The following CAMK2G variants were observed in gnomAD, a reference collection of about 807,000 sequenced individuals.
The protein encoded by CAMK2G is calcium/calmodulin-dependent protein kinase type II subunit gamma.
CAMK2G carries 23 observed loss-of-function variants against 88.7 expected under a neutral mutation model. The observed-to-expected ratio is 0.26, with a 90% CI of 0.19 to 0.37. The LOEUF (loss-of-function observed/expected upper bound fraction) is 0.37. CAMK2G is among the 10% of genes least tolerant of loss of function. The pLI is 1.00. For synonymous variants in CAMK2G, 263 were observed against 294.8 expected (o/e 0.89, Z 1.11); for missense variants, 476 against 780.8 (o/e 0.61, Z 4.65).
chr10:73,872,066 A>G lies in CAMK2G; in HGVS notation c.160+923T>C, dbSNP rs375678379. Among the ~76,000 whole-genome samples, 37 of 152,274 alleles carry G rather than the reference A, an allele frequency of 2.4e-4. No homozygotes were observed. In the South Asian group the frequency reaches 7.3e-3, roughly 30 times the overall value. On this transcript the variant is annotated intron_variant, in intron 2 of 22. Transcript: ENST00000423381. ...CTGAGTTTCACAACCTTTGTCCCCCAGCTGCACCCTGCAGCCCTCCGAGAT... is the reference window on the plus strand; with the variant it reads ...CTGAGTTTCACAACCTTTGTCCCCCGGCTGCACCCTGCAGCCCTCCGAGAT...
intron 14 of CAMK2G, among the ~76,000 whole-genome samples, chr10:73,835,807 A>G (rs2093133408): frequency 6.6e-6 from 1 of 152,080 alleles, no homozygotes; most frequent in African/African-American, 2.4e-5. Flanking sequence ...GTTGTTTTTA[A>G]GTTATAGAAA....
intron 14 of CAMK2G, chr10:73,837,209 C>T (rs536028131): frequency 3.0e-4 from 150 of 492,340 alleles, no homozygotes; most frequent in Non-Finnish European, 3.7e-4. Flanking sequence ...AGTCAGGTTC[C>T]GGATTCAGCT....
intron 2 of CAMK2G, among the ~76,000 whole-genome samples, chr10:73,865,628 C>T (rs977218091): frequency 6.6e-6 from 1 of 152,204 alleles, no homozygotes; most frequent in Non-Finnish European, 1.5e-5. Flanking sequence ...GTTTCTAGAG[C>T]ATCTTTCCCA....
chr10:73,851,575 C>G (rs1037237453), intron 5 of CAMK2G, among the ~76,000 whole-genome samples: 2 of 152,084 alleles, frequency 1.3e-5, no homozygotes, highest in African/African-American at 4.8e-5. Flanking sequence ...GCCAGAGCCT[C>G]AGCACAGTGG....
At chr10:73,819,874 G>C (rs1229479088) in intron 18 of CAMK2G, among the ~76,000 whole-genome samples, 2 of 152,210 alleles carry the variant, frequency 1.3e-5, no homozygotes, top group Non-Finnish European at 2.9e-5. Context: ...CCAGACCTGG[G>C]CTGTGGCTTC....
chr10:73,873,528 A>C, intron 1 of CAMK2G: 1 of 1,002,476 alleles, frequency 1.0e-6, no homozygotes, highest in Non-Finnish European at 1.2e-6. Flanking sequence ...CATCCCCTGA[A>C]AGAGAAATCT....
chr10:73,852,180 C>T (rs1290433102), intron 5 of CAMK2G, 74 bp downstream of exon 5: 2 of 1,084,892 alleles, frequency 1.8e-6, no homozygotes, highest in Non-Finnish European at 2.9e-6. Context: ...CAATGCTGGA[C>T]CCCGAAGGTG....
At position 73,839,640 on chromosome 10, in the gene CAMK2G, A is replaced by G. The variant is rs1448614069; in HGVS notation, c.947-39T>C. On this transcript the variant is annotated intron_variant, in intron 12 of 22. Transcript: ENST00000423381. The surrounding 1 kb of genome is among the most constrained non-coding windows in gnomAD (Gnocchi z 4.2). ...GTCTCTCAGTGCACAGAGCCCCGCAAAGCCACGGGGCCGTCAGCAGCGAGC... is the reference window on the plus strand; with the variant it reads ...GTCTCTCAGTGCACAGAGCCCCGCAGAGCCACGGGGCCGTCAGCAGCGAGC... The G allele has an allele frequency of 2.6e-6, 3 of 1,169,150 alleles. No individual in the cohort carries two copies. The highest frequency in any genetic ancestry group is 3.2e-6 in the Non-Finnish European group (3 of 929,518). The allele number at this position is 1,169,150 out of a possible 1,614,324, so 72.4% of individuals were successfully genotyped here.
chr10:73,841,900 A>G (rs149516578), intron 12 of CAMK2G: 12 of 476,162 alleles, frequency 2.5e-5, no homozygotes, highest in Non-Finnish European at 4.5e-5. Flanking sequence ...GAGTTAAATA[A>G]GAATCCAGAG....
At chr10:73,823,382 C>T (rs1178732054) in intron 17 of CAMK2G, among the ~76,000 whole-genome samples, 4 of 152,042 alleles carry the variant, frequency 2.6e-5, no homozygotes, top group Non-Finnish European at 4.4e-5. Context: ...CACCTGCCTA[C>T]TTTTTTGTAT....
In CAMK2G at chr10:73,872,980, A is replaced by G; in HGVS notation, c.160+9T>C. ...CCCTCAGGAAGAGGTCAAGACAGGG[A>G]ACACTCACCCCGGGCAGACAACTTC... is the stretch of plus-strand genomic sequence containing the variant. On this transcript the variant is annotated intron_variant, in intron 2 of 22. Transcript: ENST00000423381. The G allele has an allele frequency of 2.5e-6, 4 of 1,585,928 alleles. No homozygotes were observed. Among genetic ancestry groups the G allele is most frequent in the Non-Finnish European group, 3.5e-6 (4 of 1,153,934 alleles).
At chr10:73,818,962 G>T (rs4746151) in intron 19 of CAMK2G, 54,927 of 380,288 alleles carry the variant, frequency 0.14, 4,394 homozygotes, top group South Asian at 0.22. Context: ...CTACTGCCTT[G>T]TCTTTTATCT....
intron 20 of CAMK2G, 32 bp downstream of exon 20, chr10:73,817,447 T>C: frequency 6.9e-7 from 1 of 1,443,320 alleles, no homozygotes; most frequent in Non-Finnish European, 9.8e-7. Context: ...GGAGATGACT[T>C]AGGTCACAAA....
chr10:73,815,371 C>CCG (rs763130914), intron 21 of CAMK2G, 124 bp from the exon 22 acceptor site: 616 of 647,992 alleles, frequency 9.5e-4, no homozygotes, highest in Non-Finnish European at 1.5e-3. Flanking sequence ...CAAGTACCGC[C>CCG]CCCCCCCACC....
chr10:73,872,940 T>C (rs753147874), intron 2 of CAMK2G, 49 bp downstream of exon 2: 5 of 1,184,670 alleles, frequency 4.2e-6, no homozygotes, highest in Non-Finnish European at 5.1e-6. Flanking sequence ...AAAGAAACCA[T>C]GGCCCCTGGA....
chr10:73,841,845 G>T, intron 12 of CAMK2G: 1 of 274,116 alleles, frequency 3.6e-6, no homozygotes, highest in East Asian at 8.2e-5. Flanking sequence ...CATCCTCCAA[G>T]ATCCTAGAAT....
At chr10:73,819,793 G>A (rs2087186470) in intron 18 of CAMK2G, 148 bp from the exon 19 acceptor site, 1 of 590,844 alleles carries the variant, frequency 1.7e-6, no homozygotes, top group African/African-American at 1.9e-5. Context: ...GGCTGCTGTG[G>A]ACACTGGACG....
At chr10:73,867,771 A>G (rs1322401485) in intron 2 of CAMK2G, among the ~76,000 whole-genome samples, 1 of 152,196 alleles carries the variant, frequency 6.6e-6, no homozygotes, top group Non-Finnish European at 1.5e-5. Flanking sequence ...GTGAGGTGAT[A>G]TGCCAAGATT....
intron 9 of CAMK2G, 122 bp downstream of exon 9, chr10:73,847,866 C>T (rs1019064170): frequency 1.8e-5 from 11 of 604,286 alleles, no homozygotes; most frequent in Admixed American, 1.1e-4. Flanking sequence ...CCTGGGTCCT[C>T]AAAGTCCCCT....
Sources: gnomAD v4.1 joint callset for allele counts (sites outside exome capture counted in the v4.1 genomes callset) on GRCh38, gnomAD v4.1.1 for gene constraint, Gnocchi (gnomAD v3.1) non-coding constraint, MANE v1.5 for transcripts, NCBI Gene and HGNC (gene_info 2026-07-23, HGNC 2026-07-21) for gene names.